The following AREL1 variants were observed in gnomAD, a reference collection of about 807,000 sequenced individuals.
AREL1 encodes the protein apoptosis resistant E3 ubiquitin protein ligase 1, also known as apoptosis-resistant E3 ubiquitin protein ligase 1.
A neutral mutation model predicts 99.0 loss-of-function variants in AREL1; 62 were observed. The ratio of observed to expected loss-of-function variants is 0.63; its 90% CI spans 0.51 to 0.77. The LOEUF is 0.77. AREL1 is among the 30% of genes least tolerant of loss of function. The pLI, the probability that AREL1 is intolerant of heterozygous loss-of-function variation, is 0.00. For synonymous variants in AREL1, 380 were observed against 376.5 expected (o/e 1.01, Z -0.11); for missense variants, 879 against 1,027.6 (o/e 0.86, Z 1.98).
intron 1 of AREL1, chr14:74,712,074 A>AG: frequency 8.3e-6 from 1 of 120,240 alleles, no homozygotes; most frequent in Non-Finnish European, 1.8e-5. Context: ...AAAAGAAAAA[A>AG]AAAGAAAGAA....
At chr14:74,665,074 C>G (rs1301767696) in intron 17 of AREL1, 149 bp from the exon 18 acceptor site, 1 of 558,646 alleles carries the variant, frequency 1.8e-6, no homozygotes, top group Non-Finnish European at 3.2e-6. Flanking sequence ...CAGAATACTG[C>G]TTTAGGAAAA....
chr14:74,665,270 C>CTTTT (rs546774095), intron 17 of AREL1, among the ~76,000 whole-genome samples: 2 of 136,388 alleles, frequency 1.5e-5, no homozygotes, highest in African/African-American at 5.3e-5. Flanking sequence ...TCTTTCTTTT[C>CTTTT]TTTTTTTTTT....
At chr14:74,689,596 T>C (rs1366934297) in intron 2 of AREL1, among the ~76,000 whole-genome samples, 4 of 143,884 alleles carry the variant, frequency 2.8e-5, no homozygotes, top group African/African-American at 7.6e-5. Flanking sequence ...ACTTTTCTTT[T>C]TTTTTTTTTT....
chr14:74,683,602 T>C, intron 4 of AREL1, 69 bp from the exon 5 acceptor site: 2 of 1,437,602 alleles, frequency 1.4e-6, no homozygotes, highest in South Asian at 1.2e-5. Context: ...GTAGAGTGAG[T>C]GGGGAGAGAG....
intron 1 of AREL1, among the ~76,000 whole-genome samples, chr14:74,696,633 C>T (rs1441628221): frequency 6.6e-6 from 1 of 152,010 alleles, no homozygotes; most frequent in African/African-American, 2.4e-5. Context: ...TCACTTGAGC[C>T]TAGGAGTTGA....
chr14:74,691,739 T>C (rs2139945345), intron 2 of AREL1, among the ~76,000 whole-genome samples: 1 of 152,344 alleles, frequency 6.6e-6, no homozygotes, highest in East Asian at 1.9e-4. Context: ...CAAGGGACTG[T>C]TAGAAAGTTG....
At position 74,676,263 on chromosome 14, in the gene AREL1, T is replaced by C. The variant is rs771680192; in HGVS notation, c.710A>G (p.Asn237Ser). The C allele has an allele frequency of 5.6e-6, 9 of 1,614,178 alleles. No individual in the cohort carries two copies. The South Asian group carries it at 9.9e-5, about 18-fold the overall frequency. ...CAAGAACACCTGGAAAGTCTGCCTGTTGGATGTTACTGATTTCTCAAATGA... is the reference window on the plus strand; with the variant it reads ...CAAGAACACCTGGAAAGTCTGCCTGCTGGATGTTACTGATTTCTCAAATGA... ...GVSFEKSVTS[N>S]RQTFQVFLRL... Residue 237 changes from asparagine (N) to serine (S), a missense_variant, in exon 7 of 20, where the codon AAC becomes AGC. By Grantham distance (46) the Asn-to-Ser change is conservative. Coordinates refer to ENST00000356357, the MANE Select transcript of AREL1 (RefSeq NM_001039479.2).
At chr14:74,666,789 G>C (rs1298277716) in intron 17 of AREL1, among the ~76,000 whole-genome samples, 2 of 149,478 alleles carry the variant, frequency 1.3e-5, no homozygotes, top group Non-Finnish European at 3.0e-5. Context: ...GTGCGATCTC[G>C]GATCACTGCA....
chr14:74,667,012 GCCCGGC>G (rs1411642282), intron 17 of AREL1, among the ~76,000 whole-genome samples: 150 of 152,234 alleles, frequency 9.9e-4, no homozygotes, highest in Non-Finnish European at 7.4e-5. Flanking sequence ...GAGCCACCAT[GCCCGGC>G]CTCAGTGATA....
chr14:74,668,927 G>A (rs982610519), intron 15 of AREL1, among the ~76,000 whole-genome samples: 3 of 152,160 alleles, frequency 2.0e-5, no homozygotes, highest in African/African-American at 4.8e-5. Flanking sequence ...ACCCAGGCTG[G>A]AGTGCAGTGG....
chr14:74,701,447 G>A (rs959044423), intron 1 of AREL1, among the ~76,000 whole-genome samples: 6 of 152,124 alleles, frequency 3.9e-5, no homozygotes, highest in South Asian at 2.1e-4. Context: ...AGAGCCAAGC[G>A]AAAAGAGAAA....
chr14:74,695,281 C>T (rs7160996), intron 1 of AREL1, among the ~76,000 whole-genome samples: 47,022 of 151,406 alleles, frequency 0.31, 8,511 homozygotes, highest in African/African-American at 0.5. Context: ...GGTTTCACCA[C>T]GTTGGCCAGG....
At chr14:74,688,908 C>T (rs556953579) in intron 2 of AREL1, among the ~76,000 whole-genome samples, 1 of 152,058 alleles carries the variant, frequency 6.6e-6, no homozygotes, top group African/African-American at 2.4e-5. Context: ...ATAATCTTGG[C>T]TCTCTGCAAC....
intron 5 of AREL1, among the ~76,000 whole-genome samples, chr14:74,677,089 A>T (rs562026639): frequency 4.6e-5 from 7 of 151,094 alleles, no homozygotes; most frequent in Non-Finnish European, 8.9e-5. Context: ...GTGAGCCACC[A>T]CGCCCGGCTG....
intron 5 of AREL1, among the ~76,000 whole-genome samples, chr14:74,677,538 G>A (rs1295079296): frequency 8.4e-5 from 9 of 106,748 alleles, no homozygotes; most frequent in African/African-American, 1.5e-4. Flanking sequence ...ACAGAGTCAC[G>A]CTCTGTCACC....
At chr14:74,702,619 T>C (rs2090107626) in intron 1 of AREL1, among the ~76,000 whole-genome samples, 1 of 152,162 alleles carries the variant, frequency 6.6e-6, no homozygotes, top group Non-Finnish European at 1.5e-5. Flanking sequence ...ATTTTCCCCA[T>C]TGTCTTGGTG....
rs1237430542 is a variant in AREL1, at chr14:74,712,941, G to A, written c.-342C>T. Reference sequence around the variant, plus strand: ...CTGGAGAGAAACGTTACCCGAGCCGGGGGTTGCAGCGCGACGAAGTTCCAC... The same window carrying A: ...CTGGAGAGAAACGTTACCCGAGCCGAGGGTTGCAGCGCGACGAAGTTCCAC... On this transcript the variant is annotated 5_prime_UTR_variant, in exon 1 of 20. Transcript: ENST00000356357. The A allele has an allele frequency of 1.5e-6, 1 of 689,388 alleles. No individual in the cohort carries two copies. Among genetic ancestry groups the A allele is most frequent in the East Asian group, 2.8e-5 (1 of 35,698 alleles). 42.7% of individuals were successfully genotyped at this position (689,388 alleles called of 1,614,324 possible).
chr14:74,703,348 T>C (rs1051619657), intron 1 of AREL1, among the ~76,000 whole-genome samples: 2 of 152,194 alleles, frequency 1.3e-5, no homozygotes, highest in African/African-American at 4.8e-5. Context: ...ACTTATTCAC[T>C]ACCATGAGAA....
At chr14:74,665,489 G>C (rs1346694028) in intron 17 of AREL1, among the ~76,000 whole-genome samples, 3 of 152,094 alleles carry the variant, frequency 2.0e-5, no homozygotes, top group African/African-American at 7.2e-5. Flanking sequence ...TTTCCTGACA[G>C]TCTGCTCTAA....
Sources: gnomAD v4.1 joint callset for allele counts (sites outside exome capture counted in the v4.1 genomes callset) on GRCh38, gnomAD v4.1.1 for gene constraint, MANE v1.5 for transcripts, NCBI Gene and HGNC (gene_info 2026-07-23, HGNC 2026-07-21) for gene names.